The following FOXP2 variants were observed in gnomAD, a reference collection of about 807,000 sequenced individuals.
The protein encoded by FOXP2 is forkhead box protein P2.
FOXP2 carries 12 observed loss-of-function variants against 115.8 expected under a neutral mutation model. That is an observed-to-expected ratio of 0.10 (90% confidence interval 0.07 to 0.17). The LOEUF (loss-of-function observed/expected upper bound fraction) is 0.17, where lower values mean the gene tolerates loss of function less well. FOXP2 is among the 10% of genes least tolerant of loss of function. FOXP2 has a pLI of 1.00. For synonymous variants in FOXP2, 328 were observed against 297.7 expected (o/e 1.10, Z -1.05); for missense variants, 629 against 843.5 (o/e 0.75, Z 3.15).
At chr7:114,280,926 A>G (rs1417214273) in intron 1 of FOXP2, among the ~76,000 whole-genome samples, 2 of 152,096 alleles carry the variant, frequency 1.3e-5, no homozygotes, top group East Asian at 3.9e-4. Context: ...CTTGGAAAAT[A>G]TCATTCACTT....
At position 114,195,899 on chromosome 7, in the gene FOXP2, T is replaced by C. The variant is rs182789658; in HGVS notation, c.-102+32811T>C. Among the ~76,000 whole-genome samples, 3 of 152,244 alleles carry C rather than the reference T, an allele frequency of 2.0e-5. No homozygotes were observed. The East Asian group carries it at 5.8e-4, about 29-fold the overall frequency. On this transcript the variant is annotated intron_variant, in intron 1 of 17. Coordinates refer to the FOXP2 transcript ENST00000634411. ...TGGGAGGCTAAGGAGGGAGAATCGC[T>C]TGAGCCCAGGATTTTGAGTCCAGCC...
intron 3 of FOXP2, among the ~76,000 whole-genome samples, chr7:114,603,129 A>C (rs1203723711): frequency 6.6e-6 from 1 of 152,140 alleles, no homozygotes; most frequent in Non-Finnish European, 1.5e-5. Context: ...CAGTTTTTCC[A>C]GTGGTGCCTA....
intron 2 of FOXP2, among the ~76,000 whole-genome samples, chr7:114,504,247 T>A (rs12530547): frequency 0.017 from 2,507 of 151,788 alleles, 31 homozygotes; most frequent in Non-Finnish European, 0.025. Flanking sequence ...ATATTGATAA[T>A]TTTAAGCAGT....
chr7:114,166,588 C>T (rs1792989495), intron 1 of FOXP2, among the ~76,000 whole-genome samples: 1 of 152,074 alleles, frequency 6.6e-6, no homozygotes, highest in Non-Finnish European at 1.5e-5. Context: ...GCCTGTAGCC[C>T]CAGCTCCTCG....
At chr7:114,147,628 G>T (rs867257384) in intron 1 of FOXP2, among the ~76,000 whole-genome samples, 1 of 151,892 alleles carries the variant, frequency 6.6e-6, no homozygotes, top group Non-Finnish European at 1.5e-5. Flanking sequence ...TGCTCAAAGG[G>T]TATTGCCAAT....
At chr7:114,224,090 G>C (rs1390135789) in intron 1 of FOXP2, among the ~76,000 whole-genome samples, 1 of 151,972 alleles carries the variant, frequency 6.6e-6, no homozygotes, top group Admixed American at 6.6e-5. Context: ...TGAATAGTCT[G>C]TTCCTTCCCT....
chr7:114,575,929 G>A (rs1801554528), intron 3 of FOXP2, among the ~76,000 whole-genome samples: 2 of 151,768 alleles, frequency 1.3e-5, no homozygotes, highest in Non-Finnish European at 2.9e-5. Flanking sequence ...GCTGTTTACA[G>A]TATTTTATAA....
chr7:114,354,140 T>A (rs898109124), intron 2 of FOXP2, among the ~76,000 whole-genome samples: 11 of 152,166 alleles, frequency 7.2e-5, no homozygotes, highest in Non-Finnish European at 1.5e-4. Flanking sequence ...ATATGATTCC[T>A]GTTTGAGACA....
intron 1 of FOXP2, among the ~76,000 whole-genome samples, chr7:114,218,474 C>CA: frequency 1.3e-5 from 2 of 152,000 alleles, no homozygotes; most frequent in South Asian, 4.2e-4. Flanking sequence ...GTAGCATGTG[C>CA]AAAAAATGCC....
chr7:114,125,151 A>C (rs544874920), intron 1 of FOXP2, among the ~76,000 whole-genome samples: 1 of 151,960 alleles, frequency 6.6e-6, no homozygotes, highest in African/African-American at 2.4e-5. Flanking sequence ...ATTTTATTTT[A>C]TTTTTTAACC....
chr7:114,581,782 C>G (rs1442749621), intron 3 of FOXP2, among the ~76,000 whole-genome samples: 1 of 152,192 alleles, frequency 6.6e-6, no homozygotes, highest in African/African-American at 2.4e-5. Context: ...CTTCTTCCCC[C>G]TAGTCCCTGG....
chr7:114,281,068 G>A (rs935712077), intron 1 of FOXP2, among the ~76,000 whole-genome samples: 1 of 149,512 alleles, frequency 6.7e-6, no homozygotes, highest in Admixed American at 6.7e-5. Flanking sequence ...ATGACTGAAG[G>A]TGAGAAAGGC....
intron 1 of FOXP2, among the ~76,000 whole-genome samples, chr7:114,198,134 G>T (rs570100535): frequency 1.3e-5 from 2 of 152,252 alleles, no homozygotes; most frequent in Non-Finnish European, 2.9e-5. Flanking sequence ...AAAGTTCTGG[G>T]ATTACAGGCA....
intron 1 of FOXP2, among the ~76,000 whole-genome samples, chr7:114,202,336 A>G (rs1213677144): frequency 2.6e-5 from 4 of 152,162 alleles, no homozygotes; most frequent in African/African-American, 9.7e-5. Context: ...CAGTGTGCTA[A>G]TATGTGCTGG....
At chr7:114,414,237 T>C (rs542092270), upstream of FOXP2, 1 of 152,222 alleles carries the variant, frequency 6.6e-6, no homozygotes, top group East Asian at 1.9e-4. Flanking sequence ...TAAAACTCCA[T>C]GTGGTGTTGT....
At chr7:114,205,159 G>C (rs1794167515) in intron 1 of FOXP2, among the ~76,000 whole-genome samples, 1 of 152,080 alleles carries the variant, frequency 6.6e-6, no homozygotes, top group African/African-American at 2.4e-5. Flanking sequence ...TTATAAAAAA[G>C]AATTACTCTG....
intron 2 of FOXP2, among the ~76,000 whole-genome samples, chr7:114,346,999 G>T (rs747261028): frequency 6.6e-6 from 1 of 151,630 alleles, no homozygotes; most frequent in East Asian, 1.9e-4. Context: ...GCCCATAAAC[G>T]TAGAATTACA....
At chr7:114,644,867 A>C in intron 8 of FOXP2, 78 bp downstream of exon 8, 1 of 1,111,672 alleles carries the variant, frequency 9.0e-7, no homozygotes, top group Non-Finnish European at 1.3e-6. Flanking sequence ...AAATAAACAA[A>C]AGATGAAGGA....
chr7:114,643,257 G>C (rs936665656), intron 7 of FOXP2, among the ~76,000 whole-genome samples: 4 of 152,044 alleles, frequency 2.6e-5, no homozygotes, highest in Non-Finnish European at 5.9e-5. Flanking sequence ...TGATTAACCT[G>C]ATTGCTGAGA....
Sources: allele counts gnomAD v4.1 joint callset (sites outside exome capture counted in the v4.1 genomes callset), GRCh38; gene constraint gnomAD v4.1.1; transcripts MANE v1.5; gene names NCBI Gene and HGNC (gene_info 2026-07-23, HGNC 2026-07-21).